Variants in TRANK1 observed in about 807,000 individuals in gnomAD.
The protein encoded by TRANK1 is TPR and ankyrin repeat-containing protein 1.
In TRANK1, 198 loss-of-function variants were observed where a neutral mutation model predicts 266.0. The observed-to-expected ratio is 0.74, with a 90% CI of 0.66 to 0.84. TRANK1 has a LOEUF of 0.84. Ranked by LOEUF, TRANK1 falls within the 40% of genes least tolerant of loss-of-function variation. The pLI, the probability that TRANK1 is intolerant of heterozygous loss-of-function variation, is 0.00. For missense variants in TRANK1, 3,326 were observed against 3,634.6 expected, an observed-to-expected ratio of 0.92 and a Z score of 2.18; for synonymous variants, 1,396 against 1,384.1, an observed-to-expected ratio of 1.01 and a Z score of -0.19.
intron 1 of TRANK1, 122 bp downstream of exon 1, chr3:36,944,665 G>T: frequency 1.7e-6 from 2 of 1,199,416 alleles, no homozygotes; most frequent in South Asian, 1.5e-5. Flanking sequence ...GGGATGGCCG[G>T]GCGGGCCCGT....
chr3:36,909,785 A>C (rs1199649890), intron 1 of TRANK1, among the ~76,000 whole-genome samples: 1 of 152,240 alleles, frequency 6.6e-6, no homozygotes, highest in Non-Finnish European at 1.5e-5. Context: ...CTTCTTAAGC[A>C]GAGCTTTAAC....
chr3:36,891,615 T>C (rs917858305), intron 7 of TRANK1, among the ~76,000 whole-genome samples: 4 of 152,246 alleles, frequency 2.6e-5, no homozygotes, highest in Admixed American at 2.6e-4. Flanking sequence ...AGTGTGTGCA[T>C]ATGTGTGTGT....
At chr3:36,927,892 A>G (rs2080310153) in intron 1 of TRANK1, among the ~76,000 whole-genome samples, 1 of 152,120 alleles carries the variant, frequency 6.6e-6, no homozygotes, top group Non-Finnish European at 1.5e-5. Flanking sequence ...TCCTATTCCC[A>G]CCTCAGAGAA....
At chr3:36,829,462 A>C in intron 23 of TRANK1, 102 bp downstream of exon 23, 2 of 1,057,914 alleles carry the variant, frequency 1.9e-6, no homozygotes, top group Non-Finnish European at 1.4e-6. Context: ...TCCACTATTG[A>C]CATCACTGGG....
chr3:36,855,901 A>G lies in TRANK1; in HGVS notation c.3821T>C (p.Ile1274Thr), dbSNP rs770079616. 5 of 1,613,304 alleles carry G rather than the reference A, an allele frequency of 3.1e-6. No homozygotes were observed. Among genetic ancestry groups the G allele is most frequent in the Admixed American group, 3.3e-5 (2 of 59,952 alleles). ...RNEDGSLKRT[I>T]IGWSAQEEST... ...CTCTTCCTGTGCAGACCATCCTATGATGGTTCTTTTCAAGCTTCCATCTTC... is the reference window on the plus strand; with the variant it reads ...CTCTTCCTGTGCAGACCATCCTATGGTGGTTCTTTTCAAGCTTCCATCTTC... The change falls in exon 13 of 24, where the codon ATC becomes ACC. Residue 1274 changes from isoleucine (I) to threonine (T), a missense_variant. Coordinates refer to ENST00000645898, the MANE Select transcript of TRANK1 (RefSeq NM_001329998.2).
Position 36,860,981 on chromosome 3 carries a change from A to C in TRANK1, c.1420T>G (p.Cys474Gly). Residue 474 changes from cysteine to glycine, a missense_variant, in exon 11 of 24, where the codon TGT becomes GGT. Physicochemically the swap from Cys to Gly is radical, Grantham distance 159. Transcript: ENST00000645898. ...GTGCTGAGATGGGGGATGATGGTAC[A>C]GATGTCGAGGTCTGAGAAGTTGCAG... is the stretch of plus-strand genomic sequence containing the variant. ...KDCNFSDLDI[C>G]TIIPHLSTWD... The C allele has an allele frequency of 6.5e-7, 1 of 1,537,776 alleles. No individual in the cohort carries two copies. The highest frequency in any genetic ancestry group is 8.7e-7 in the Non-Finnish European group (1 of 1,147,026).
intron 3 of TRANK1, 38 bp from the exon 4 acceptor site, chr3:36,899,297 A>T: frequency 6.5e-7 from 1 of 1,529,632 alleles, no homozygotes; most frequent in Non-Finnish European, 8.7e-7. Context: ...CATGTACCAC[A>T]TCTCCTTTAA....
chr3:36,907,182 C>A (rs1157774525), intron 2 of TRANK1, among the ~76,000 whole-genome samples: 1 of 152,200 alleles, frequency 6.6e-6, no homozygotes, highest in Non-Finnish European at 1.5e-5. Context: ...CAGAGTTTCA[C>A]TCTTGTCACC....
Position 36,903,215 on chromosome 3 carries a change from A to C in TRANK1, c.216T>G (p.Leu72=). 1 of 1,537,338 alleles carries C rather than the reference A, an allele frequency of 6.5e-7. No homozygotes were observed. The highest frequency in any genetic ancestry group is 1.7e-4 in the Middle Eastern group (1 of 5,990). ...LCNKSNAFFS[L]GKWNEAFVAA... ...CAACAAATGCCTCATTCCACTTCCC[A>C]AGGCTGAAAAATGCATTTGATTTGT... Residue 72 remains leucine, a synonymous_variant, in exon 3 of 24, where the codon CTT becomes CTG. Transcript: ENST00000645898.
At position 36,944,864 on chromosome 3, in the gene TRANK1, C is replaced by A; in HGVS notation, c.-55G>T. The A allele has an allele frequency of 7.1e-7, 1 of 1,415,058 alleles. No individual in the cohort carries two copies. Among genetic ancestry groups the A allele is most frequent in the Non-Finnish European group, 9.2e-7 (1 of 1,090,246 alleles). 87.7% of individuals were successfully genotyped at this position (1,415,058 alleles called of 1,614,324 possible). A position where few individuals can be genotyped will look rare whatever the true frequency, so the allele number is the denominator to read the frequency against. On this transcript the variant is annotated 5_prime_UTR_variant, in exon 1 of 24. The change creates a new upstream start codon in the 5' untranslated region. Transcript: ENST00000645898. ...CGCCGCCGCCTGGGGAAGCGCTTCC[C>A]TGTGGGCAGGGCGCGGCGGGCAGTG...
At chr3:36,929,733 A>G (rs2125660565) in intron 1 of TRANK1, among the ~76,000 whole-genome samples, 1 of 152,342 alleles carries the variant, frequency 6.6e-6, no homozygotes, top group Non-Finnish European at 1.5e-5. Context: ...AAGTTTACCG[A>G]TGTAATTATC....
intron 1 of TRANK1, among the ~76,000 whole-genome samples, chr3:36,940,103 G>C (rs1286697298): frequency 6.6e-6 from 1 of 151,454 alleles, no homozygotes; most frequent in South Asian, 2.1e-4. Flanking sequence ...TGTTGGCCAG[G>C]CTGGTCTCGA....
chr3:36,833,419 G>T lies in TRANK1; in HGVS notation c.6164C>A (p.Thr2055Lys), dbSNP rs752519437. The T allele has an allele frequency of 2.7e-5, 43 of 1,613,702 alleles. No homozygotes were observed. The highest frequency in any genetic ancestry group is 3.3e-4 in the Middle Eastern group (2 of 6,080). The part of the protein sequence containing the change: ...KLRDAFFKFD[T>K]LNHSAGVVEA... ...CACCACTCCAGCTGAGTGGTTGAGC[G>T]TGTCAAACTTGAAGAAGGCATCCCT... is the stretch of plus-strand genomic sequence containing the variant. The change falls in exon 22 of 24, where the codon ACG (threonine) becomes AAG (lysine). Residue 2055 changes from threonine (T) to lysine (K), a missense_variant. Transcript: ENST00000645898.
chr3:36,875,750 C>T (rs1378130806), intron 8 of TRANK1, among the ~76,000 whole-genome samples: 3 of 152,222 alleles, frequency 2.0e-5, no homozygotes, highest in Non-Finnish European at 2.9e-5. Context: ...CATAATCCAT[C>T]CCCTACCTAC....
intron 15 of TRANK1, among the ~76,000 whole-genome samples, chr3:36,849,577 G>C (rs1234222519): frequency 6.6e-6 from 1 of 152,230 alleles, no homozygotes; most frequent in Non-Finnish European, 1.5e-5. Flanking sequence ...TGAGATGGAA[G>C]AAGAGGTCAA....
chr3:36,938,460 A>G (rs9820461), intron 1 of TRANK1, among the ~76,000 whole-genome samples: 151,098 of 151,334 alleles, frequency 1, 75,431 homozygotes, highest in South Asian at 1. Context: ...CTCATGATCC[A>G]CCCACCTCAG....
At chr3:36,850,158 C>G in intron 15 of TRANK1, 1 of 985,446 alleles carries the variant, frequency 1.0e-6, no homozygotes, top group Non-Finnish European at 1.2e-6. Context: ...TCTTACCCTT[C>G]CTCTTTTAGG....
At chr3:36,890,032 G>A in intron 7 of TRANK1, 72 bp from the exon 8 acceptor site, 2 of 1,502,194 alleles carry the variant, frequency 1.3e-6, no homozygotes, top group Admixed American at 4.2e-5. Context: ...TTGTGCAGAA[G>A]CAATAGATTA....
At chr3:36,872,624 A>G (rs1001300045) in intron 9 of TRANK1, among the ~76,000 whole-genome samples, 3 of 152,202 alleles carry the variant, frequency 2.0e-5, no homozygotes, top group Non-Finnish European at 4.4e-5. Flanking sequence ...AGCAATGGAC[A>G]AGATAAATTA....
Sources: allele counts gnomAD v4.1 joint callset (sites outside exome capture counted in the v4.1 genomes callset), GRCh38; gene constraint gnomAD v4.1.1; transcripts MANE v1.5; gene names NCBI Gene and HGNC (gene_info 2026-07-23, HGNC 2026-07-21).